ASAH2: variants seen among roughly 807,000 people sequenced by gnomAD.
ASAH2 encodes neutral ceramidase.
Under a neutral mutation model 82.9 loss-of-function variants are expected in ASAH2, and 58 were observed. The ratio of observed to expected loss-of-function variants is 0.70; its 90% CI spans 0.57 to 0.87. The LOEUF (loss-of-function observed/expected upper bound fraction) is 0.87. ASAH2 is among the 40% of genes least tolerant of loss of function. ASAH2 has a pLI of 0.00. For missense variants in ASAH2, 779 were observed against 834.0 expected, an observed-to-expected ratio of 0.93 and a Z score of 0.81; for synonymous variants, 276 against 289.7, an observed-to-expected ratio of 0.95 and a Z score of 0.48.
chr10:50,245,046 T>C (rs542266771), intron 3 of ASAH2, among the ~76,000 whole-genome samples, 176 bp downstream of exon 3: 1 of 152,202 alleles, frequency 6.6e-6, no homozygotes, highest in Non-Finnish European at 1.5e-5. Flanking sequence ...TGTGATTGAA[T>C]AAAAGTTTTC....
At chr10:50,248,339 T>G in intron 2 of ASAH2, 145 bp downstream of exon 2, 1 of 995,446 alleles carries the variant, frequency 1.0e-6, no homozygotes, top group Non-Finnish European at 1.4e-6. Context: ...AATGGGCAAT[T>G]AATGCAAAGG....
intron 18 of ASAH2, among the ~76,000 whole-genome samples, chr10:50,193,516 C>G (rs1221079037): frequency 1.3e-5 from 2 of 151,122 alleles, no homozygotes. Flanking sequence ...AATGGGCTAA[C>G]AGAATTACAG....
intron 8 of ASAH2, among the ~76,000 whole-genome samples, chr10:50,216,403 T>C (rs1379341300): frequency 6.6e-6 from 1 of 152,180 alleles, no homozygotes; most frequent in Non-Finnish European, 1.5e-5. Context: ...ACTGAAAATA[T>C]TCCAATTATC....
chr10:50,206,057 G>A lies in ASAH2; in HGVS notation c.1455C>T (p.Asp485=). The change falls in exon 13 of 21, where the codon GAC becomes GAT. Residue 485 remains aspartate (D), a synonymous_variant. Transcript: ENST00000682911. The part of the protein sequence containing the change: ...EGDPFWDTIR[D]QILGKPSEEI... ...CTTCAGATGGCTTTCCCAGGATCTGGTCCCGAATGGTGTCCCAAAATGGAT... is the reference window on the plus strand; with the variant it reads ...CTTCAGATGGCTTTCCCAGGATCTGATCCCGAATGGTGTCCCAAAATGGAT... 1 of 1,612,568 alleles carries A rather than the reference G, an allele frequency of 6.2e-7. No individual in the cohort carries two copies. Among genetic ancestry groups the A allele is most frequent in the South Asian group, 1.1e-5 (1 of 91,042 alleles).
chr10:50,222,313 C>G (rs1373205176), intron 7 of ASAH2, among the ~76,000 whole-genome samples: 1 of 152,220 alleles, frequency 6.6e-6, no homozygotes, highest in Non-Finnish European at 1.5e-5. Flanking sequence ...GTGTCTCACT[C>G]TGTTGCCCAG....
At chr10:50,209,505 A>G (rs1845396397) in intron 12 of ASAH2, among the ~76,000 whole-genome samples, 1 of 152,034 alleles carries the variant, frequency 6.6e-6, no homozygotes, top group Non-Finnish European at 1.5e-5. Context: ...GTGCACCACC[A>G]TGTCTGGCTA....
rs1264781371 is a variant in ASAH2 at position 50,204,827 on chromosome 10, C to A, written c.1625+34G>T. The A allele has an allele frequency of 1.6e-5, 24 of 1,460,300 alleles. No individual in the cohort carries two copies. In the Admixed American group the frequency reaches 4.3e-4, roughly 26 times the overall value. The allele number at this position is 1,460,300 out of a possible 1,614,324, so 90.5% of individuals were successfully genotyped here. A position where few individuals can be genotyped will look rare whatever the true frequency, so the allele number is the denominator to read the frequency against. ...ATTCCAACAGAACATACAACAAACA[C>A]ATTTTTAACTAAGTAATAAAAAGAA... On this transcript the variant is annotated intron_variant, in intron 14 of 20. Coordinates refer to ENST00000682911, the MANE Select transcript of ASAH2 (RefSeq NM_019893.4).
At chr10:50,200,516 G>A (rs1845114405) in intron 16 of ASAH2, among the ~76,000 whole-genome samples, 1 of 151,990 alleles carries the variant, frequency 6.6e-6, no homozygotes, top group African/African-American at 2.4e-5. Context: ...AACTCATACA[G>A]ATGTTACATC....
At chr10:50,236,086 A>C (rs1846153293) in intron 4 of ASAH2, 22 bp from the exon 5 acceptor site, 1 of 1,607,486 alleles carries the variant, frequency 6.2e-7, no homozygotes, top group African/African-American at 1.3e-5. Context: ...AAAGTAATTG[A>C]ACTAAGAAGA....
rs1219833421 is a variant in ASAH2, at chr10:50,202,806, A to G, written c.1761+23T>C. Reference sequence around the variant, plus strand: ...CTTTACTGGGGTATAATTCATTTAAATGATGAAAACGTTTTGCTTTACCTG... The same window carrying G: ...CTTTACTGGGGTATAATTCATTTAAGTGATGAAAACGTTTTGCTTTACCTG... On this transcript the variant is annotated intron_variant, in intron 16 of 20. Transcript: ENST00000682911. 149 of 1,485,948 alleles carry G rather than the reference A, an allele frequency of 1.0e-4. No individual in the cohort carries two copies. The South Asian group carries it at 1.2e-3, about 12-fold the overall frequency. The allele number at this position is 1,485,948 out of a possible 1,614,324, so 92.0% of individuals were successfully genotyped here. A position where few individuals can be genotyped will look rare whatever the true frequency, so the allele number is the denominator to read the frequency against.
chr10:50,241,124 C>G (rs1169666615), intron 4 of ASAH2, among the ~76,000 whole-genome samples: 2 of 152,150 alleles, frequency 1.3e-5, no homozygotes, highest in African/African-American at 4.8e-5. Context: ...ATGAACAAAC[C>G]ATCTTGGAAG....
Position 50,213,080 on chromosome 10 carries a change from T to C in ASAH2, c.1141-22A>G, listed in dbSNP as rs997043409. ...TAGGCTGGAACAAAATAAGATATGA[T>C]GCATTCTTGGCCAAGTAAGAAATTA... On this transcript the variant is annotated intron_variant, in intron 9 of 20. Coordinates refer to ENST00000682911, the MANE Select transcript of ASAH2 (RefSeq NM_019893.4). The C allele has an allele frequency of 7.0e-5, 111 of 1,581,680 alleles. No homozygotes were observed. In the Admixed American group the frequency reaches 1.8e-3, roughly 26 times the overall value.
intron 4 of ASAH2, among the ~76,000 whole-genome samples, chr10:50,241,708 C>T (rs1365426846): frequency 3.9e-5 from 6 of 152,216 alleles, no homozygotes; most frequent in African/African-American, 1.4e-4. Flanking sequence ...ACTATACAGC[C>T]ATAAAAAAGG....
intron 18 of ASAH2, among the ~76,000 whole-genome samples, chr10:50,193,891 A>G (rs1266270935): frequency 2.0e-5 from 3 of 150,918 alleles, no homozygotes; most frequent in Non-Finnish European, 4.5e-5. Flanking sequence ...TAAACAACTT[A>G]TATGAAATGA....
At chr10:50,243,933 C>A (rs1236906855) in intron 3 of ASAH2, among the ~76,000 whole-genome samples, 4 of 152,234 alleles carry the variant, frequency 2.6e-5, no homozygotes, top group Middle Eastern at 6.8e-3. Flanking sequence ...GTCGTGGGTG[C>A]AACAGGCTGG....
intron 8 of ASAH2, 148 bp downstream of exon 8, chr10:50,218,362 A>G (rs545664569): frequency 4.4e-6 from 5 of 1,146,224 alleles, no homozygotes; most frequent in Non-Finnish European, 6.5e-6. Context: ...ATTAGGGAGG[A>G]TGGTAAATGC....
In ASAH2 at chr10:50,245,529, A is replaced by G. The variant is rs943648867; in HGVS notation, c.128-75T>C. 6.7e-5 allele frequency: 88 copies of G among 1,313,418 alleles called. 1 individual carries two copies. The Middle Eastern group carries it at 1.3e-3, about 19-fold the overall frequency. The allele number at this position is 1,313,418 out of a possible 1,614,324, so 81.4% of individuals were successfully genotyped here. A position where few individuals can be genotyped will look rare whatever the true frequency, so the allele number is the denominator to read the frequency against. ...GTCAACATCAATTAGAACACAATAT[A>G]TAGGCTCAGGTTCATAAGGAAAACT... On this transcript the variant is annotated intron_variant, in intron 2 of 20. Transcript: ENST00000682911.
intron 4 of ASAH2, chr10:50,240,588 C>T: frequency 1.4e-6 from 1 of 702,214 alleles, no homozygotes. Context: ...TCTCAAGGCC[C>T]TCTGCAATTA....
chr10:50,203,576 T>TAATCCTATGGTGAAG, intron 15 of ASAH2, 64 bp downstream of exon 15: 1 of 526,874 alleles, frequency 1.9e-6, no homozygotes, highest in Non-Finnish European at 3.2e-6. Context: ...ATCATAGGGA[T>TAATCCTATGGTGAAG]AGGATATACT....
Sources: allele counts gnomAD v4.1 joint callset (sites outside exome capture counted in the v4.1 genomes callset), GRCh38; gene constraint gnomAD v4.1.1; transcripts MANE v1.5; gene names NCBI Gene and HGNC (gene_info 2026-07-23, HGNC 2026-07-21).